The following WWC2 variants were observed in gnomAD, a reference collection of about 807,000 sequenced individuals.
The protein encoded by WWC2 is protein WWC2.
Under a neutral mutation model 138.5 loss-of-function variants are expected in WWC2, and 101 were observed. That is an observed-to-expected ratio of 0.73 (90% CI 0.62 to 0.86). The LOEUF (loss-of-function observed/expected upper bound fraction) is 0.86. Among genes scored for constraint, WWC2 ranks in the 40% least tolerant of loss-of-function variants. The pLI is 0.00. For missense variants in WWC2, 1,420 were observed against 1,419.4 expected, an observed-to-expected ratio of 1.00 and a Z score of -0.01; for synonymous variants, 558 against 538.4, an observed-to-expected ratio of 1.04 and a Z score of -0.50.
chr4:183,207,191 GTT>G lies in WWC2; in HGVS notation c.242-751_242-750del, dbSNP rs11320228. On this transcript the variant is annotated intron_variant, in intron 2 of 22. Transcript: ENST00000403733. ...TCCACAGAAACTCTAGTTGGTCTGG[GTT>G]TTTTTTTTTTAAAAGGGTCTCTGGT... Among the ~76,000 whole-genome samples the G allele has an allele frequency of 9.8e-4, 146 of 149,042 alleles. 1 individual carries two copies. Among genetic ancestry groups the G allele is most frequent in the Middle Eastern group, 3.5e-3 (1 of 288 alleles).
Position 183,208,999 on chromosome 4 carries a change from G to A in WWC2, c.496G>A (p.Ala166Thr), listed in dbSNP as rs1463087840. ...TAAATATGATCCCGATATTTTAAAAGCTGAGATCTCCACTACAAGATTAAG... is the reference window on the plus strand; with the variant it reads ...TAAATATGATCCCGATATTTTAAAAACTGAGATCTCCACTACAAGATTAAG... ...STKYDPDILK[A>T]EISTTRLRVK... Residue 166 changes from alanine (A) to threonine (T), a missense_variant, in exon 4 of 23, where the codon GCT (alanine) becomes ACT (threonine). Physicochemically the swap from Ala to Thr is moderately conservative, Grantham distance 58. Coordinates refer to ENST00000403733, the MANE Select transcript of WWC2 (RefSeq NM_024949.6). 6 of 1,570,798 alleles carry A rather than the reference G, an allele frequency of 3.8e-6. No homozygotes were observed. The highest frequency in any genetic ancestry group is 5.2e-6 in the Non-Finnish European group (6 of 1,155,900).
chr4:183,100,853 C>T (rs1743156513), intron 1 of WWC2, among the ~76,000 whole-genome samples: 1 of 152,230 alleles, frequency 6.6e-6, no homozygotes, highest in East Asian at 1.9e-4. Flanking sequence ...GAAAAGGCAC[C>T]TGTGCTGAGG....
At chr4:183,302,051 C>T (rs1472881111) in intron 21 of WWC2, among the ~76,000 whole-genome samples, 2 of 152,050 alleles carry the variant, frequency 1.3e-5, no homozygotes, top group Non-Finnish European at 2.9e-5. Flanking sequence ...TTGTATAGCT[C>T]TATCACAGTT....
At chr4:183,185,593 A>G (rs1039207769) in intron 1 of WWC2, among the ~76,000 whole-genome samples, 4 of 152,138 alleles carry the variant, frequency 2.6e-5, no homozygotes, top group African/African-American at 4.8e-5. Context: ...TTCATGAGCT[A>G]TGTTTCCTTT....
In WWC2 at chr4:183,284,218, T is replaced by G; in HGVS notation, c.2884-8T>G. 1 of 1,611,392 alleles carries G rather than the reference T, an allele frequency of 6.2e-7. No homozygotes were observed. Among genetic ancestry groups the G allele is most frequent in the Non-Finnish European group, 8.5e-7 (1 of 1,177,838 alleles). On this transcript the variant is annotated splice_region_variant and splice_polypyrimidine_tract_variant and intron_variant, in intron 18 of 22. Coordinates refer to ENST00000403733, the MANE Select transcript of WWC2 (RefSeq NM_024949.6). ...CAGCTCCTGACAAATTGTTAACTTC[T>G]CTTATAGGTTGACAAAGAGACAAAC...
At chr4:183,230,156 C>T (rs1736199974) in intron 4 of WWC2, among the ~76,000 whole-genome samples, 1 of 151,928 alleles carries the variant, frequency 6.6e-6, no homozygotes, top group Non-Finnish European at 1.5e-5. Context: ...GTGGCAGGGT[C>T]TCGCTACGGT....
intron 9 of WWC2, among the ~76,000 whole-genome samples, chr4:183,255,094 A>G (rs942920550): frequency 1.3e-5 from 2 of 152,248 alleles, no homozygotes; most frequent in African/African-American, 4.8e-5. Context: ...TCAAGGTAAC[A>G]CGCAGCCTCA....
Position 183,316,722 on chromosome 4 carries a change from CAAAG to C in WWC2, c.*996_*999del, listed in dbSNP as rs1417149769. The C allele has an allele frequency of 6.6e-6, 1 of 152,084 alleles. No individual in the cohort carries two copies. The highest frequency in any genetic ancestry group is 2.4e-5 in the African/African-American group (1 of 41,406). The allele number at this position is 152,084 out of a possible 1,614,324, so 9.4% of individuals were successfully genotyped here. ...TTGATAGAATCAAAGTTGCCAAAAA[CAAAG>C]AAGAGTTTATCAAGCAGATTTCTAA... On this transcript the variant is annotated 3_prime_UTR_variant, in exon 23 of 23. Transcript: ENST00000403733.
intron 20 of WWC2, among the ~76,000 whole-genome samples, chr4:183,287,909 A>G (rs140061305): frequency 3.3e-5 from 5 of 152,170 alleles, no homozygotes; most frequent in East Asian, 1.9e-4. Context: ...TACCACATAG[A>G]AACTGGCCAA....
chr4:183,148,514 C>T (rs900233596), intron 1 of WWC2, among the ~76,000 whole-genome samples: 9 of 152,134 alleles, frequency 5.9e-5, no homozygotes, highest in Non-Finnish European at 1.2e-4. Flanking sequence ...AGTATGTTCC[C>T]TGCTGCCTTC....
intron 1 of WWC2, among the ~76,000 whole-genome samples, chr4:183,178,758 G>C (rs1057287485): frequency 6.6e-6 from 1 of 152,124 alleles, no homozygotes; most frequent in African/African-American, 2.4e-5. Flanking sequence ...TGAGCTCTCC[G>C]TTCAGAAGCA....
chr4:183,283,139 A>G (rs1316536348), intron 18 of WWC2, among the ~76,000 whole-genome samples: 2 of 152,162 alleles, frequency 1.3e-5, no homozygotes, highest in Non-Finnish European at 2.9e-5. Context: ...TAAGAAGAGA[A>G]ATAGTGCTAG....
At chr4:183,114,496 G>C (rs1369776305) in intron 1 of WWC2, among the ~76,000 whole-genome samples, 1 of 152,170 alleles carries the variant, frequency 6.6e-6, no homozygotes, top group Non-Finnish European at 1.5e-5. Context: ...CTCAGAGCTA[G>C]AGATACTAAA....
chr4:183,164,396 A>G (rs1377478808), intron 1 of WWC2, among the ~76,000 whole-genome samples: 18 of 654 alleles, frequency 0.028, 1 homozygote, highest in African/African-American at 0.087. Flanking sequence ...TTATATATAC[A>G]TATATATTAT....
At chr4:183,257,410 G>A (rs1737184551) in intron 9 of WWC2, among the ~76,000 whole-genome samples, 1 of 152,134 alleles carries the variant, frequency 6.6e-6, no homozygotes, top group African/African-American at 2.4e-5. Context: ...GGGCACTGAG[G>A]GCAGAGTCAG....
intron 21 of WWC2, among the ~76,000 whole-genome samples, chr4:183,306,580 T>C (rs1002349243): frequency 3.9e-5 from 6 of 152,146 alleles, no homozygotes; most frequent in Non-Finnish European, 5.9e-5. Flanking sequence ...ACAATTTTTT[T>C]TTTTTGGAGA....
intron 2 of WWC2, among the ~76,000 whole-genome samples, chr4:183,194,300 C>T (rs1457221065): frequency 6.6e-6 from 1 of 152,110 alleles, no homozygotes; most frequent in Non-Finnish European, 1.5e-5. Flanking sequence ...ATTACTGTGG[C>T]CGTGAATGAC....
intron 2 of WWC2, among the ~76,000 whole-genome samples, chr4:183,196,623 G>A (rs539969377): frequency 5.9e-5 from 9 of 152,266 alleles, no homozygotes; most frequent in East Asian, 3.9e-4. Flanking sequence ...TGCTTGCACC[G>A]GCCTCTCCTT....
chr4:183,259,324 G>T (rs898848001), intron 9 of WWC2, among the ~76,000 whole-genome samples: 7 of 152,020 alleles, frequency 4.6e-5, no homozygotes, highest in African/African-American at 1.7e-4. Context: ...TTGTTTCCTT[G>T]GTTATTTTCC....
Sources: gnomAD v4.1 joint callset for allele counts (sites outside exome capture counted in the v4.1 genomes callset) on GRCh38, gnomAD v4.1.1 for gene constraint, MANE v1.5 for transcripts, NCBI Gene and HGNC (gene_info 2026-07-23, HGNC 2026-07-21) for gene names.